IRAG2: variants seen among roughly 807,000 people sequenced by gnomAD.
IRAG2 encodes inositol 1,4,5-triphosphate receptor associated 2.
Under a neutral mutation model 69.9 loss-of-function variants are expected in IRAG2, and 45 were observed. That is an observed-to-expected ratio of 0.64 (90% CI 0.51 to 0.83). IRAG2 has a LOEUF of 0.83. IRAG2 is among the 40% of genes least tolerant of loss of function. IRAG2 has a pLI of 0.00. For synonymous variants in IRAG2, 193 were observed against 202.4 expected (o/e 0.95, Z 0.40); for missense variants, 520 against 587.0 (o/e 0.89, Z 1.18).
intron 10 of IRAG2, chr12:25,031,147 T>C (rs1944664707): frequency 1.1e-6 from 1 of 890,440 alleles, no homozygotes; most frequent in Admixed American, 6.2e-5. Flanking sequence ...CATGCACATT[T>C]TGAAGTTTCA....
chr12:25,035,710 A>G (rs1944697537), exon 14 of IRAG2: 3 of 398,962 alleles, frequency 7.5e-6, no homozygotes, highest in South Asian at 2.5e-4. Context: ...GGACGCCATG[A>G]TGGATCAGGA....
chr12:25,107,549 A>G (rs1477019469), intron 21 of IRAG2, among the ~76,000 whole-genome samples: 2 of 151,012 alleles, frequency 1.3e-5, no homozygotes, highest in Non-Finnish European at 3.0e-5. Flanking sequence ...TGAAAGAATG[A>G]GATACTTGTA....
At chr12:25,071,087 GGAAAT>G (rs1188666869) in intron 6 of IRAG2, among the ~76,000 whole-genome samples, 11 of 152,148 alleles carry the variant, frequency 7.2e-5, no homozygotes, top group African/African-American at 2.7e-4. Context: ...CTAAGAAAAA[GGAAAT>G]GAATCTATTT....
chr12:25,076,744 G>A (rs1946711964), intron 6 of IRAG2: 1 of 329,238 alleles, frequency 3.0e-6, no homozygotes, highest in South Asian at 1.2e-4. Context: ...GTTTATATGT[G>A]TTAGGATATT....
At position 25,108,209 on chromosome 12, in the gene IRAG2, T is replaced by TTATC. The variant is rs1304237010; in HGVS notation, c.*151_*154dup. On this transcript the variant is annotated 3_prime_UTR_variant, in exon 22 of 22. Transcript: ENST00000556887. The stretch of plus-strand genomic sequence containing the variant: ...TAGCTTACATTTCCTCTTTTTGCCT[T>TTATC]TATCTCCCCAACTAAAATACAATGG... 3.6e-6 allele frequency: 3 copies of TTATC among 840,922 alleles called. No homozygotes were observed. The highest frequency in any genetic ancestry group is 2.0e-5 in the South Asian group (1 of 50,788). 52.1% of individuals were successfully genotyped at this position (840,922 alleles called of 1,614,324 possible). A position where few individuals can be genotyped will look rare whatever the true frequency, so the allele number is the denominator to read the frequency against.
intron 1 of IRAG2, among the ~76,000 whole-genome samples, chr12:25,054,355 C>T (rs528755122): frequency 6.6e-6 from 1 of 152,262 alleles, no homozygotes; most frequent in South Asian, 2.1e-4. Flanking sequence ...AGACACTGTG[C>T]CCAGGACTAT....
intron 1 of IRAG2, chr12:25,005,223 A>G (rs923240569): frequency 5.1e-6 from 6 of 1,165,426 alleles, no homozygotes; most frequent in Middle Eastern, 3.2e-4. Context: ...AGGATTTACA[A>G]ACTTTTTCTT....
intron 16 of IRAG2, among the ~76,000 whole-genome samples, chr12:25,043,002 T>TAAA (rs61246525): frequency 1.4e-5 from 2 of 142,904 alleles, no homozygotes; most frequent in Non-Finnish European, 1.5e-5. Flanking sequence ...TCTTTGAAAT[T>TAAA]AAAAAAAAAA....
At chr12:25,043,612 C>T (rs140495941) in intron 16 of IRAG2, among the ~76,000 whole-genome samples, 161 of 151,806 alleles carry the variant, frequency 1.1e-3, no homozygotes, top group Non-Finnish European at 1.7e-3. Flanking sequence ...TTACCTGTCT[C>T]GGAGTACTAT....
At chr12:25,054,567 C>T (rs908560790) in intron 1 of IRAG2, among the ~76,000 whole-genome samples, 4 of 152,094 alleles carry the variant, frequency 2.6e-5, no homozygotes, top group African/African-American at 9.7e-5. Flanking sequence ...CTTCACGGCC[C>T]AATAGATTCA....
chr12:25,100,604 G>A (rs1273713920), intron 15 of IRAG2, among the ~76,000 whole-genome samples: 2 of 152,166 alleles, frequency 1.3e-5, no homozygotes, highest in African/African-American at 4.8e-5. Flanking sequence ...GCTGGAAGGA[G>A]GAATAAGGCT....
At chr12:25,042,386 C>T (rs1944757740) in intron 16 of IRAG2, among the ~76,000 whole-genome samples, 1 of 152,132 alleles carries the variant, frequency 6.6e-6, no homozygotes, top group African/African-American at 2.4e-5. Context: ...ATATATACCT[C>T]TTTACATGAT....
At position 25,015,450 on chromosome 12, in the gene IRAG2, T is replaced by G. The variant is rs1944520001; in HGVS notation, c.1055+22T>G. Reference sequence around the variant, plus strand: ...TCTTGTAAGCCTTCTTACTCTGCTTTCGCAAGTGTTTCAACTTCATTTTTC... The same window carrying G: ...TCTTGTAAGCCTTCTTACTCTGCTTGCGCAAGTGTTTCAACTTCATTTTTC... On this transcript the variant is annotated intron_variant, in intron 5 of 38. Transcript: ENST00000636465. 3 of 1,212,916 alleles carry G rather than the reference T, an allele frequency of 2.5e-6. No individual in the cohort carries two copies. The Middle Eastern group carries it at 9.4e-4, about 381-fold the overall frequency. 75.1% of individuals were successfully genotyped at this position (1,212,916 alleles called of 1,614,324 possible).
At chr12:25,070,929 C>T (rs968143073) in intron 6 of IRAG2, among the ~76,000 whole-genome samples, 2 of 152,096 alleles carry the variant, frequency 1.3e-5, no homozygotes, top group African/African-American at 4.8e-5. Flanking sequence ...TGTATAACTT[C>T]TTTGGAGACA....
Position 25,097,013 on chromosome 12 carries a change from G to T in IRAG2, c.710G>T (p.Ser237Ile), listed in dbSNP as rs1948458335. 1 of 1,612,912 alleles carries T rather than the reference G, an allele frequency of 6.2e-7. No homozygotes were observed. The change falls in exon 15 of 22, where the codon AGT becomes ATT. Residue 237 changes from serine to isoleucine, a missense_variant. Transcript: ENST00000556887. ...AGCCAGTGTGCAGCACGAGTGGCCAGTAGGGCTGAGATGTTGGGAGCCATC... is the reference window on the plus strand; with the variant it reads ...AGCCAGTGTGCAGCACGAGTGGCCATTAGGGCTGAGATGTTGGGAGCCATC... ...FLSQCAARVA[S>I]RAEMLGAINQ...
chr12:25,063,115 T>G (rs1945732456), intron 3 of IRAG2, among the ~76,000 whole-genome samples: 1 of 152,136 alleles, frequency 6.6e-6, no homozygotes, highest in African/African-American at 2.4e-5. Context: ...CAGGCTGGAG[T>G]GCAGTGGTGC....
chr12:25,006,901 T>C (rs1325019878), intron 2 of IRAG2, among the ~76,000 whole-genome samples: 1 of 152,152 alleles, frequency 6.6e-6, no homozygotes, highest in South Asian at 2.1e-4. Flanking sequence ...ATTTTAAGTA[T>C]ATAAATGATT....
At chr12:25,045,109 C>T (rs763409644) in intron 16 of IRAG2, among the ~76,000 whole-genome samples, 24 of 152,012 alleles carry the variant, frequency 1.6e-4, no homozygotes, top group South Asian at 2.1e-4. Flanking sequence ...AGAAGGAAAA[C>T]GGAAATATTC....
intron 16 of IRAG2, among the ~76,000 whole-genome samples, chr12:25,038,467 AC>A (rs1374951139): frequency 6.6e-6 from 1 of 152,160 alleles, no homozygotes; most frequent in African/African-American, 2.4e-5. Context: ...ACATGGTGAA[AC>A]CCTGTCTCTA....
Sources: gnomAD v4.1 joint callset for allele counts (sites outside exome capture counted in the v4.1 genomes callset) on GRCh38, gnomAD v4.1.1 for gene constraint, MANE v1.5 for transcripts, NCBI Gene and HGNC (gene_info 2026-07-23, HGNC 2026-07-21) for gene names.